The following NELL1 variants were observed in gnomAD, a reference collection of about 807,000 sequenced individuals.
NELL1 encodes the protein neural EGFL like 1.
NELL1 carries 76 observed loss-of-function variants against 107.4 expected under a neutral mutation model. The observed-to-expected ratio is 0.71, with a 90% CI of 0.59 to 0.86. NELL1 has a LOEUF of 0.86. NELL1 is among the 40% of genes least tolerant of loss of function. The pLI is 0.00. For synonymous variants in NELL1, 353 were observed against 341.2 expected (o/e 1.03, Z -0.38); for missense variants, 1,024 against 1,005.5 (o/e 1.02, Z -0.25).
intron 17 of NELL1, among the ~76,000 whole-genome samples, chr11:21,567,042 T>A (rs562551499): frequency 3.0e-4 from 46 of 151,962 alleles, no homozygotes; most frequent in African/African-American, 9.1e-4. Context: ...GACATTCTTA[T>A]TGAGTCTCAT....
intron 13 of NELL1, among the ~76,000 whole-genome samples, chr11:21,167,225 T>C (rs1241140110): frequency 6.6e-6 from 1 of 151,854 alleles, no homozygotes; most frequent in Non-Finnish European, 1.5e-5. Flanking sequence ...CCATTTGTGG[T>C]CTGAGAATGT....
chr11:21,466,301 A>G (rs1469277914), intron 15 of NELL1, among the ~76,000 whole-genome samples: 1 of 152,118 alleles, frequency 6.6e-6, no homozygotes, highest in East Asian at 1.9e-4. Context: ...AGCTGGATTC[A>G]TAAGGGATAG....
chr11:21,517,859 A>G (rs1185435974), intron 15 of NELL1, among the ~76,000 whole-genome samples: 1 of 152,130 alleles, frequency 6.6e-6, no homozygotes, highest in African/African-American at 2.4e-5. Flanking sequence ...TTATTCAGTG[A>G]GAAATGATTC....
intron 14 of NELL1, among the ~76,000 whole-genome samples, chr11:21,369,783 C>T (rs185497928): frequency 4.6e-4 from 70 of 152,100 alleles, no homozygotes; most frequent in African/African-American, 1.6e-3. Context: ...AGAAATTTTG[C>T]ACGTTTAGTA....
intron 13 of NELL1, among the ~76,000 whole-genome samples, chr11:21,144,516 A>T (rs1010818662): frequency 4.6e-5 from 7 of 152,206 alleles, no homozygotes; most frequent in African/African-American, 1.7e-4. Flanking sequence ...AGGAAGAGAC[A>T]GGAGATAAAG....
intron 3 of NELL1, among the ~76,000 whole-genome samples, chr11:20,810,984 G>C (rs1857491011): frequency 1.3e-5 from 2 of 151,872 alleles, no homozygotes; most frequent in Admixed American, 1.3e-4. Context: ...CCTTTGATGT[G>C]CAGAAGGCTT....
chr11:20,765,615 A>G (rs576308565), intron 2 of NELL1, among the ~76,000 whole-genome samples: 22 of 152,220 alleles, frequency 1.4e-4, no homozygotes, highest in East Asian at 3.9e-4. Context: ...AGGCAAAATA[A>G]TGGCCTGACC....
At chr11:21,343,343 T>C (rs1032546446) in intron 14 of NELL1, among the ~76,000 whole-genome samples, 1 of 152,278 alleles carries the variant, frequency 6.6e-6, no homozygotes, top group East Asian at 1.9e-4. Flanking sequence ...CTTTGGCTTG[T>C]GCAGGATCAT....
At chr11:21,344,216 G>T (rs570657445) in intron 14 of NELL1, among the ~76,000 whole-genome samples, 1 of 152,174 alleles carries the variant, frequency 6.6e-6, no homozygotes, top group African/African-American at 2.4e-5. Context: ...ATTGAAAGCT[G>T]TGTAACTAAG....
Position 21,210,837 on chromosome 11 carries a change from C to T in NELL1, c.1427-18495C>T, listed in dbSNP as rs1359136004. Reference sequence around the variant, plus strand: ...TTTTAAGCTCTTCTCTTTAGAGTTCCTTCCAGATCCCCAATTCAGTTACCT... The same window carrying T: ...TTTTAAGCTCTTCTCTTTAGAGTTCTTTCCAGATCCCCAATTCAGTTACCT... On this transcript the variant is annotated intron_variant, in intron 13 of 19. Transcript: ENST00000357134. 1.3e-5 allele frequency among the ~76,000 whole-genome samples: 2 copies of T among 152,104 alleles called. 1 individual carries two copies. Among genetic ancestry groups the T allele is most frequent in the Non-Finnish European group, 2.9e-5 (2 of 68,004 alleles).
chr11:21,473,402 G>A (rs1854232444), intron 15 of NELL1, among the ~76,000 whole-genome samples: 2 of 151,950 alleles, frequency 1.3e-5, no homozygotes, highest in African/African-American at 4.8e-5. Context: ...CCATCTAGGT[G>A]AACAACTGGC....
At chr11:21,409,088 C>A (rs1347144903) in intron 15 of NELL1, among the ~76,000 whole-genome samples, 7 of 152,010 alleles carry the variant, frequency 4.6e-5, no homozygotes, top group African/African-American at 7.2e-5. Flanking sequence ...TGGGCATATA[C>A]CCAAAGGACT....
chr11:20,749,663 A>G (rs1190241945), intron 2 of NELL1, among the ~76,000 whole-genome samples: 1 of 152,174 alleles, frequency 6.6e-6, no homozygotes, highest in South Asian at 2.1e-4. Flanking sequence ...AAATGAGTAG[A>G]TATTAACTGT....
At chr11:21,127,409 A>G (rs1855510008) in intron 13 of NELL1, among the ~76,000 whole-genome samples, 1 of 152,288 alleles carries the variant, frequency 6.6e-6, no homozygotes, top group Admixed American at 6.5e-5. Flanking sequence ...AGCCTGGTCA[A>G]CATAGCAGCA....
intron 12 of NELL1, among the ~76,000 whole-genome samples, chr11:20,988,753 T>C (rs77750798): frequency 1.3e-4 from 19 of 146,694 alleles, no homozygotes; most frequent in African/African-American, 4.8e-4. Context: ...ACCACACCTA[T>C]TTTTTTTTTA....
At chr11:21,324,981 C>G (rs1230092503) in intron 14 of NELL1, among the ~76,000 whole-genome samples, 1 of 152,036 alleles carries the variant, frequency 6.6e-6, no homozygotes, top group Non-Finnish European at 1.5e-5. Flanking sequence ...CTCCCCCCAT[C>G]TTTGTTTTAT....
At chr11:21,088,657 G>A (rs553388168) in intron 12 of NELL1, among the ~76,000 whole-genome samples, 2 of 152,042 alleles carry the variant, frequency 1.3e-5, no homozygotes, top group South Asian at 2.1e-4. Context: ...TTTTAGCTGC[G>A]AAGTGAGAAA....
chr11:21,556,753 T>G (rs1856720732), intron 16 of NELL1, among the ~76,000 whole-genome samples: 1 of 151,988 alleles, frequency 6.6e-6, no homozygotes, highest in African/African-American at 2.4e-5. Context: ...TGGAATTTTA[T>G]TGAAAAAATA....
intron 19 of NELL1, among the ~76,000 whole-genome samples, 171 bp downstream of exon 19, chr11:21,573,580 A>G (rs886278719): frequency 6.6e-6 from 1 of 151,846 alleles, no homozygotes; most frequent in African/African-American, 2.4e-5. Flanking sequence ...TCATAGCTGC[A>G]CCCTGTAAAA....
Sources: gnomAD v4.1 joint callset for allele counts (sites outside exome capture counted in the v4.1 genomes callset) on GRCh38, gnomAD v4.1.1 for gene constraint, MANE v1.5 for transcripts, NCBI Gene and HGNC (gene_info 2026-07-23, HGNC 2026-07-21) for gene names.